Variants in CCDC73 observed in about 807,000 individuals in gnomAD.
CCDC73 encodes coiled-coil domain containing 73.
In CCDC73, 95 loss-of-function variants were observed where a neutral mutation model predicts 116.5. The observed-to-expected ratio is 0.82, with a 90% CI of 0.69 to 0.97. CCDC73 has a LOEUF of 0.97. Among genes scored for constraint, CCDC73 ranks in the 50% least tolerant of loss-of-function variants. The probability of loss-of-function intolerance (pLI) is 0.00; values close to 1 mark genes in which losing one functional copy is unlikely to be tolerated. For synonymous variants in CCDC73, 398 were observed against 401.3 expected (o/e 0.99, Z 0.10); for missense variants, 1,066 against 1,206.8 (o/e 0.88, Z 1.73).
intron 6 of CCDC73, among the ~76,000 whole-genome samples, chr11:32,689,777 CAAG>C (rs1337401135): frequency 6.6e-6 from 1 of 152,058 alleles, no homozygotes; most frequent in Non-Finnish European, 1.5e-5. Flanking sequence ...GGGCAGATCA[CAAG>C]GTCAGGAGAT....
chr11:32,662,850 G>C (rs1354087503), intron 9 of CCDC73, among the ~76,000 whole-genome samples: 4 of 152,056 alleles, frequency 2.6e-5, no homozygotes, highest in Non-Finnish European at 4.4e-5. Context: ...AATCCATCTT[G>C]AATTAATTTT....
chr11:32,775,346 C>CT (rs1187549238), intron 1 of CCDC73, among the ~76,000 whole-genome samples: 1 of 152,114 alleles, frequency 6.6e-6, no homozygotes, highest in Non-Finnish European at 1.5e-5. Context: ...ACAGAATTTC[C>CT]TTTATGTTTC....
intron 7 of CCDC73, chr11:32,680,460 A>G (rs1317190686): frequency 6.6e-6 from 1 of 152,152 alleles, no homozygotes; most frequent in Non-Finnish European, 1.5e-5. Flanking sequence ...TCCTAAACAC[A>G]TGTACACCTC....
intron 1 of CCDC73, among the ~76,000 whole-genome samples, chr11:32,793,900 C>A (rs12419252): frequency 2.0e-5 from 3 of 152,072 alleles, no homozygotes; most frequent in African/African-American, 7.2e-5. Flanking sequence ...TGTGAGCCAC[C>A]GCCCCGACCA....
the CCDC73 span, among the ~76,000 whole-genome samples, chr11:32,828,320 C>A: frequency 6.6e-6 from 1 of 151,696 alleles, no homozygotes; most frequent in Non-Finnish European, 1.5e-5. Flanking sequence ...AACAACCTGG[C>A]CAACATGGTG....
the CCDC73 span, among the ~76,000 whole-genome samples, chr11:32,806,642 A>AAAAG: frequency 3.6e-4 from 54 of 151,652 alleles, 1 homozygote; most frequent in South Asian, 0.01. Context: ...AAAAAAAAAA[A>AAAAG]AAAGAAAGAA....
At chr11:32,776,214 C>T (rs1029355294) in intron 1 of CCDC73, among the ~76,000 whole-genome samples, 11 of 152,120 alleles carry the variant, frequency 7.2e-5, no homozygotes, top group Admixed American at 2.6e-4. Flanking sequence ...TAGTCAGACC[C>T]TCATTACCTC....
intron 12 of CCDC73, among the ~76,000 whole-genome samples, chr11:32,645,586 G>T (rs569530949): frequency 1.7e-3 from 256 of 152,076 alleles, no homozygotes; most frequent in Non-Finnish European, 2.8e-3. Context: ...ACCACGCCTG[G>T]CCAACTTTTT....
At chr11:32,806,886 G>A in the CCDC73 span, among the ~76,000 whole-genome samples, 8 of 152,252 alleles carry the variant, frequency 5.3e-5, no homozygotes, top group South Asian at 2.1e-4. Flanking sequence ...AACCTGCCGC[G>A]GTTTGCCACT....
chr11:32,714,486 A>G (rs1590609129), intron 3 of CCDC73, among the ~76,000 whole-genome samples: 1 of 152,228 alleles, frequency 6.6e-6, no homozygotes, highest in Admixed American at 6.5e-5. Context: ...AATGTCTTCT[A>G]GAAATGACCT....
intron 17 of CCDC73, chr11:32,605,683 A>C (rs1240651261): frequency 6.6e-6 from 1 of 152,212 alleles, no homozygotes; most frequent in Admixed American, 6.5e-5. Context: ...TGAGAGGGGT[A>C]GGAGCAGGGA....
At chr11:32,809,183 T>C in the CCDC73 span, among the ~76,000 whole-genome samples, 1 of 152,242 alleles carries the variant, frequency 6.6e-6, no homozygotes, top group Non-Finnish European at 1.5e-5. Flanking sequence ...GGATAAAATA[T>C]GATGCCTTCA....
At chr11:32,607,787 C>T (rs541452403) in intron 17 of CCDC73, among the ~76,000 whole-genome samples, 6 of 147,268 alleles carry the variant, frequency 4.1e-5, no homozygotes, top group East Asian at 3.9e-4. Context: ...GTTCTCACGC[C>T]GCTAATAAAG....
At chr11:32,744,719 C>T (rs550753340) in intron 2 of CCDC73, among the ~76,000 whole-genome samples, 39 of 152,188 alleles carry the variant, frequency 2.6e-4, no homozygotes, top group African/African-American at 7.5e-4. Context: ...TATTCTCTGA[C>T]AGTAGTTTGT....
chr11:32,762,751 G>A (rs772878893), intron 1 of CCDC73, among the ~76,000 whole-genome samples: 7 of 152,180 alleles, frequency 4.6e-5, no homozygotes, highest in Non-Finnish European at 1.0e-4. Context: ...ACTGGGGCAT[G>A]TCAGACAGTG....
chr11:32,800,850 A>G, the CCDC73 span, among the ~76,000 whole-genome samples: 2 of 152,212 alleles, frequency 1.3e-5, no homozygotes, highest in African/African-American at 4.8e-5. Context: ...GAGGAAAGTC[A>G]ACACTTTAGG....
chr11:32,711,646 C>T (rs139091619), intron 3 of CCDC73, among the ~76,000 whole-genome samples: 2 of 152,258 alleles, frequency 1.3e-5, no homozygotes, highest in East Asian at 1.9e-4. Flanking sequence ...TAAAAGAATA[C>T]ACACTGGGTA....
At chr11:32,665,375 G>A (rs1855970749) in intron 9 of CCDC73, among the ~76,000 whole-genome samples, 1 of 152,116 alleles carries the variant, frequency 6.6e-6, no homozygotes, top group Non-Finnish European at 1.5e-5. Flanking sequence ...AGGATAGTTA[G>A]CTCTTCTTGT....
chr11:32,702,832 A>G, intron 4 of CCDC73, 41 bp downstream of exon 4: 2 of 1,306,242 alleles, frequency 1.5e-6, no homozygotes, highest in African/African-American at 1.4e-5. Context: ...AGGAAATGCA[A>G]TATTTAAAAT....
Sources: gnomAD v4.1 joint callset for allele counts (sites outside exome capture counted in the v4.1 genomes callset) on GRCh38, gnomAD v4.1.1 for gene constraint, MANE v1.5 for transcripts, NCBI Gene and HGNC (gene_info 2026-07-23, HGNC 2026-07-21) for gene names.